The following LDLRAD3 variants were observed in gnomAD, a reference collection of about 807,000 sequenced individuals.
LDLRAD3 encodes low density lipoprotein receptor class A domain containing 3.
A neutral mutation model predicts 29.4 loss-of-function variants in LDLRAD3; 20 were observed. That is an observed-to-expected ratio of 0.68 (90% CI 0.48 to 0.99). The LOEUF (loss-of-function observed/expected upper bound fraction) is 0.99, where lower values mean the gene tolerates loss of function less well. LDLRAD3 is among the 50% of genes least tolerant of loss of function. The pLI is 0.00. For synonymous variants in LDLRAD3, 157 were observed against 192.7 expected (o/e 0.81, Z 1.53); for missense variants, 420 against 454.3 (o/e 0.92, Z 0.69).
intron 2 of LDLRAD3, 45 bp downstream of exon 2, chr11:36,036,294 G>A (rs749031359): frequency 1.2e-6 from 2 of 1,611,302 alleles, no homozygotes; most frequent in Admixed American, 3.3e-5. Context: ...CAGCCATCCT[G>A]GGGCAGAGGG....
chr11:35,956,604 C>T (rs1246768429), intron 1 of LDLRAD3, among the ~76,000 whole-genome samples: 1 of 152,220 alleles, frequency 6.6e-6, no homozygotes, highest in Non-Finnish European at 1.5e-5. Flanking sequence ...CTTGCCTTGA[C>T]CTTGGCTAGG....
At chr11:36,062,777 C>T (rs971394319) in intron 2 of LDLRAD3, among the ~76,000 whole-genome samples, 3 of 152,220 alleles carry the variant, frequency 2.0e-5, no homozygotes, top group Non-Finnish European at 2.9e-5. Context: ...TACCCTTCCA[C>T]CACGATTGTA....
intron 1 of LDLRAD3, among the ~76,000 whole-genome samples, chr11:35,999,017 A>G (rs1488647531): frequency 2.0e-5 from 3 of 152,200 alleles, no homozygotes. Flanking sequence ...GACACTGTGT[A>G]AAGCCCTGGA....
chr11:36,031,092 A>G (rs1333486200), intron 1 of LDLRAD3, among the ~76,000 whole-genome samples: 3 of 148,812 alleles, frequency 2.0e-5, no homozygotes, highest in Admixed American at 6.7e-5. Context: ...TTTTTTTTTC[A>G]TTCTTGGTGC....
chr11:36,129,217 C>T (rs1268276408), intron 4 of LDLRAD3, among the ~76,000 whole-genome samples: 1 of 152,208 alleles, frequency 6.6e-6, no homozygotes, highest in Non-Finnish European at 1.5e-5. Flanking sequence ...CTGCCTGCTT[C>T]TGAGAAGAAC....
chr11:36,142,507 C>T (rs1243252727), intron 4 of LDLRAD3, among the ~76,000 whole-genome samples: 1 of 152,210 alleles, frequency 6.6e-6, no homozygotes, highest in Non-Finnish European at 1.5e-5. Context: ...CCTTCAGCAC[C>T]TCTTAGCCCT....
At chr11:36,033,117 C>T (rs1024473986) in intron 1 of LDLRAD3, among the ~76,000 whole-genome samples, 3 of 152,150 alleles carry the variant, frequency 2.0e-5, no homozygotes, top group Non-Finnish European at 2.9e-5. Context: ...AAGTGATCCA[C>T]CCGCCTCGGC....
intron 3 of LDLRAD3, among the ~76,000 whole-genome samples, chr11:36,096,289 A>G (rs962148086): frequency 1.3e-5 from 2 of 152,222 alleles, no homozygotes; most frequent in Non-Finnish European, 2.9e-5. Flanking sequence ...TGTGTTCACA[A>G]CACCTCAGCG....
intron 4 of LDLRAD3, among the ~76,000 whole-genome samples, chr11:36,203,905 G>GGT (rs1487902285): frequency 6.6e-6 from 1 of 152,082 alleles, no homozygotes; most frequent in East Asian, 1.9e-4. Context: ...GGAATAGTGT[G>GGT]TGATTTCTGA....
At chr11:36,008,336 A>G (rs1463437919) in intron 1 of LDLRAD3, among the ~76,000 whole-genome samples, 1 of 152,142 alleles carries the variant, frequency 6.6e-6, no homozygotes, top group East Asian at 1.9e-4. Flanking sequence ...GTGCAGTTGT[A>G]CCTCAAGGAA....
intron 1 of LDLRAD3, among the ~76,000 whole-genome samples, chr11:36,019,182 G>T (rs1289904734): frequency 3.9e-5 from 6 of 152,146 alleles, no homozygotes; most frequent in Admixed American, 3.9e-4. Context: ...ATCTGAGCTG[G>T]AAAGTGAGCC....
At chr11:36,061,551 A>G (rs1372350379) in intron 2 of LDLRAD3, among the ~76,000 whole-genome samples, 1 of 152,212 alleles carries the variant, frequency 6.6e-6, no homozygotes, top group Non-Finnish European at 1.5e-5. Flanking sequence ...TTGAGCTGCT[A>G]ATTGATACTA....
intron 4 of LDLRAD3, among the ~76,000 whole-genome samples, chr11:36,204,498 CTTT>C (rs56354406): frequency 4.0e-4 from 58 of 145,048 alleles, no homozygotes; most frequent in Admixed American, 4.1e-4. Context: ...CTCTCTCTTT[CTTT>C]TTTTTTTTTT....
chr11:35,970,197 C>T (rs1183933701), intron 1 of LDLRAD3, among the ~76,000 whole-genome samples: 5 of 152,208 alleles, frequency 3.3e-5, no homozygotes, highest in African/African-American at 9.7e-5. Flanking sequence ...CACTGAAGCC[C>T]TAAAACCTGG....
intron 2 of LDLRAD3, among the ~76,000 whole-genome samples, chr11:36,075,355 T>G (rs1420617807): frequency 2.0e-5 from 3 of 152,206 alleles, no homozygotes; most frequent in Non-Finnish European, 4.4e-5. Flanking sequence ...TCCTGGGAGT[T>G]AGCCTAGTGA....
At chr11:36,188,439 A>T (rs1225882589) in intron 4 of LDLRAD3, among the ~76,000 whole-genome samples, 3 of 149,374 alleles carry the variant, frequency 2.0e-5, no homozygotes, top group African/African-American at 2.4e-5. Context: ...CTATGACTGG[A>T]TTAGTGAACT....
chr11:36,019,571 G>A (rs1456353625), intron 1 of LDLRAD3, among the ~76,000 whole-genome samples: 7 of 152,140 alleles, frequency 4.6e-5, no homozygotes, highest in Non-Finnish European at 7.3e-5. Flanking sequence ...TTCAGTGGCC[G>A]TTGATAACAG....
At chr11:36,012,532 A>G (rs1851969301) in intron 1 of LDLRAD3, among the ~76,000 whole-genome samples, 1 of 152,202 alleles carries the variant, frequency 6.6e-6, no homozygotes, top group African/African-American at 2.4e-5. Context: ...AAAATTGGTT[A>G]CTGAAACACA....
chr11:36,060,793 A>G (rs1463389012), intron 2 of LDLRAD3, among the ~76,000 whole-genome samples: 1 of 152,114 alleles, frequency 6.6e-6, no homozygotes, highest in Non-Finnish European at 1.5e-5. Flanking sequence ...TGATACTAGT[A>G]ATCATATAAT....
Sources: gnomAD v4.1 joint callset for allele counts (sites outside exome capture counted in the v4.1 genomes callset) on GRCh38, gnomAD v4.1.1 for gene constraint, MANE v1.5 for transcripts, NCBI Gene and HGNC (gene_info 2026-07-23, HGNC 2026-07-21) for gene names.